MED13L: variants seen among roughly 807,000 people sequenced by gnomAD.
MED13L encodes the protein mediator of RNA polymerase II transcription subunit 13-like.
MED13L carries 7 observed loss-of-function variants against 220.9 expected under a neutral mutation model. The ratio of observed to expected loss-of-function variants is 0.03; its 90% confidence interval spans 0.02 to 0.06. The LOEUF (loss-of-function observed/expected upper bound fraction) is 0.06, where lower values mean the gene tolerates loss of function less well. Among genes scored for constraint, MED13L ranks in the 10% least tolerant of loss-of-function variants. MED13L has a pLI of 1.00. For synonymous variants in MED13L, 1,011 were observed against 1,015.2 expected, an observed-to-expected ratio of 1.00 and a Z score of 0.08; for missense variants, 1,965 against 2,760.5, an observed-to-expected ratio of 0.71 and a Z score of 6.46.
chr12:116,152,207 T>C (rs1878093117), intron 2 of MED13L, among the ~76,000 whole-genome samples: 1 of 152,168 alleles, frequency 6.6e-6, no homozygotes, highest in Admixed American at 6.6e-5. Flanking sequence ...ACTCAGTAAA[T>C]GCCTGCCAAA....
chr12:116,033,391 A>C (rs1189196850), intron 4 of MED13L, among the ~76,000 whole-genome samples: 1 of 152,200 alleles, frequency 6.6e-6, no homozygotes, highest in African/African-American at 2.4e-5. Flanking sequence ...CAAAATAAAA[A>C]CTATAAAAAC....
intron 4 of MED13L, among the ~76,000 whole-genome samples, chr12:116,057,173 G>A (rs896162867): frequency 5.9e-5 from 9 of 152,154 alleles, no homozygotes; most frequent in African/African-American, 9.7e-5. Context: ...AGGAATAATT[G>A]TAGTAGAGTA....
At chr12:116,017,515 A>T (rs1208816926) in intron 7 of MED13L, among the ~76,000 whole-genome samples, 1 of 152,262 alleles carries the variant, frequency 6.6e-6, no homozygotes, top group Non-Finnish European at 1.5e-5. Context: ...TTACTACAAA[A>T]GACTATGAAA....
chr12:116,218,255 T>C (rs1222150148), intron 2 of MED13L, among the ~76,000 whole-genome samples: 2 of 152,192 alleles, frequency 1.3e-5, no homozygotes, highest in African/African-American at 4.8e-5. Flanking sequence ...AAAATGGGAT[T>C]TTTTATAGCT....
chr12:116,203,256 T>C (rs1448029735), intron 2 of MED13L, among the ~76,000 whole-genome samples: 2 of 152,176 alleles, frequency 1.3e-5, no homozygotes, highest in Admixed American at 6.5e-5. Flanking sequence ...GTTTTGCTTA[T>C]AAAAGGCTTG....
intron 2 of MED13L, among the ~76,000 whole-genome samples, chr12:116,160,304 G>A (rs1400004403): frequency 6.6e-6 from 1 of 151,920 alleles, no homozygotes; most frequent in Non-Finnish European, 1.5e-5. Flanking sequence ...TGCTATTTTT[G>A]TTGTTGTTGT....
intron 2 of MED13L, among the ~76,000 whole-genome samples, chr12:116,221,394 A>G (rs1868427665): frequency 6.6e-6 from 1 of 151,120 alleles, no homozygotes. Flanking sequence ...AAAAAAAATG[A>G]GTAGTATCAA....
intron 4 of MED13L, among the ~76,000 whole-genome samples, chr12:116,056,186 A>G (rs566236515): frequency 5.6e-4 from 86 of 152,330 alleles, no homozygotes; most frequent in African/African-American, 2.0e-3. Context: ...GCAAGAGTGT[A>G]CAATCTGGCT....
intron 2 of MED13L, among the ~76,000 whole-genome samples, chr12:116,127,324 G>A (rs530327102): frequency 6.6e-5 from 10 of 152,126 alleles, no homozygotes; most frequent in South Asian, 4.2e-4. Flanking sequence ...ATTCAAAAAC[G>A]AAAAATACAT....
chr12:116,199,339 T>A (rs1274970221), intron 2 of MED13L, among the ~76,000 whole-genome samples: 3 of 152,184 alleles, frequency 2.0e-5, no homozygotes, highest in Non-Finnish European at 4.4e-5. Flanking sequence ...CATTTCTGCT[T>A]AAGAAAATCA....
chr12:116,200,079 CAAAA>C (rs36110388), intron 2 of MED13L, among the ~76,000 whole-genome samples: 3 of 116,878 alleles, frequency 2.6e-5, no homozygotes, highest in Non-Finnish European at 5.5e-5. Flanking sequence ...GGATGCTTTT[CAAAA>C]AAAAAAAAAA....
At chr12:116,155,899 C>A (rs1878386700) in intron 2 of MED13L, among the ~76,000 whole-genome samples, 1 of 151,984 alleles carries the variant, frequency 6.6e-6, no homozygotes, top group Admixed American at 6.6e-5. Flanking sequence ...ATTATAGGAC[C>A]AGTATGTATT....
At chr12:116,075,556 C>A (rs566274415) in intron 4 of MED13L, among the ~76,000 whole-genome samples, 1 of 152,172 alleles carries the variant, frequency 6.6e-6, no homozygotes, top group South Asian at 2.1e-4. Flanking sequence ...TTTATTAGCA[C>A]AGTATCTCAA....
intron 2 of MED13L, among the ~76,000 whole-genome samples, chr12:116,177,385 C>A (rs1401695483): frequency 6.6e-6 from 1 of 152,178 alleles, no homozygotes; most frequent in African/African-American, 2.4e-5. Flanking sequence ...CAAAGCTAGG[C>A]ATTGAGTCTC....
rs1865787 is a variant in MED13L at position 115,991,884 on chromosome 12, A to G, written c.3070T>C (p.Leu1024=). The part of the protein sequence containing the change: ...NTPQMNTPVT[L]NSAAPASNSG... Reference sequence around the variant, plus strand: ...TTGCTGGCTGGGGCAGCGCTGTTCAACGTCACGGGTGTGTTCATCTGTGGT... The same window carrying G: ...TTGCTGGCTGGGGCAGCGCTGTTCAGCGTCACGGGTGTGTTCATCTGTGGT... Residue 1024 remains leucine (L), a synonymous_variant, in exon 17 of 31, where the codon TTG becomes CTG. Coordinates refer to ENST00000281928, the MANE Select transcript of MED13L (RefSeq NM_015335.5). This position sits in a 1 kb window ranked among gnomAD's most constrained non-coding sequence, Gnocchi z 7.7. The G allele has an allele frequency of 0.18, 290,096 of 1,603,104 alleles. 27,126 individuals are homozygous for G. Among genetic ancestry groups the G allele is most frequent in the South Asian group, 0.21 (18,738 of 91,056 alleles).
intron 4 of MED13L, among the ~76,000 whole-genome samples, chr12:116,045,101 G>C (rs1269918496): frequency 6.6e-6 from 1 of 152,008 alleles, no homozygotes; most frequent in African/African-American, 2.4e-5. Context: ...TATTTGTTTG[G>C]GTAAAATGCA....
chr12:115,978,483 C>CGG (rs894846401), intron 23 of MED13L, among the ~76,000 whole-genome samples: 2 of 152,032 alleles, frequency 1.3e-5, no homozygotes, highest in African/African-American at 2.4e-5. Flanking sequence ...TCCGCCACCA[C>CGG]GCCTGGCTAA....
chr12:116,196,433 T>C (rs936884054), intron 2 of MED13L, among the ~76,000 whole-genome samples: 1 of 150,836 alleles, frequency 6.6e-6, no homozygotes, highest in Non-Finnish European at 1.5e-5. Flanking sequence ...TGCAACTTAA[T>C]AGTCCTTTAA....
chr12:116,124,790 C>T (rs1167981437), intron 2 of MED13L, among the ~76,000 whole-genome samples: 1 of 152,088 alleles, frequency 6.6e-6, no homozygotes, highest in Non-Finnish European at 1.5e-5. Context: ...AGTCAGTTTT[C>T]TTAAGGAATT....
Sources: gnomAD v4.1 joint callset for allele counts (sites outside exome capture counted in the v4.1 genomes callset) on GRCh38, gnomAD v4.1.1 for gene constraint, Gnocchi (gnomAD v3.1) non-coding constraint, MANE v1.5 for transcripts, NCBI Gene and HGNC (gene_info 2026-07-23, HGNC 2026-07-21) for gene names.